QKI: variants seen among roughly 807,000 people sequenced by gnomAD.
QKI encodes the protein QKI, KH domain containing RNA binding, also known as KH domain-containing RNA-binding protein QKI.
In QKI, 10 loss-of-function variants were observed where a neutral mutation model predicts 39.0. That is an observed-to-expected ratio of 0.26 (90% confidence interval 0.16 to 0.43). The LOEUF (loss-of-function observed/expected upper bound fraction) is 0.43, where lower values mean the gene tolerates loss of function less well. QKI is among the 20% of genes least tolerant of loss of function. The probability of loss-of-function intolerance (pLI) is 1.00; values close to 1 mark genes in which losing one functional copy is unlikely to be tolerated. For missense variants in QKI, 218 were observed against 428.0 expected, an observed-to-expected ratio of 0.51 and a Z score of 4.33; for synonymous variants, 204 against 155.4, an observed-to-expected ratio of 1.31 and a Z score of -2.33.
At chr6:163,520,333 A>T (rs1407569837) in intron 3 of QKI, among the ~76,000 whole-genome samples, 1 of 152,140 alleles carries the variant, frequency 6.6e-6, no homozygotes, top group Non-Finnish European at 1.5e-5. Flanking sequence ...ATAACACTGG[A>T]TAATGTATAG....
At chr6:163,455,517 C>G in intron 2 of QKI, 96 bp downstream of exon 2, 1 of 1,250,248 alleles carries the variant, frequency 8.0e-7, no homozygotes, top group Non-Finnish European at 1.1e-6. Flanking sequence ...TTATTAGCCA[C>G]TTTAAAAAAA....
intron 1 of QKI, among the ~76,000 whole-genome samples, chr6:163,445,700 C>T (rs893065317): frequency 2.6e-5 from 4 of 151,700 alleles, no homozygotes; most frequent in Non-Finnish European, 4.4e-5. Flanking sequence ...CTCCAGGCTC[C>T]GCCTCCCGGG....
intron 2 of QKI, among the ~76,000 whole-genome samples, chr6:163,474,107 GA>G (rs1328573528): frequency 1.3e-5 from 2 of 152,130 alleles, no homozygotes; most frequent in Non-Finnish European, 2.9e-5. Context: ...AATAGATAGT[GA>G]AAAATGATAA....
intron 1 of QKI, among the ~76,000 whole-genome samples, chr6:163,435,775 T>G (rs1201703209): frequency 6.6e-6 from 1 of 152,192 alleles, no homozygotes; most frequent in Non-Finnish European, 1.5e-5. Flanking sequence ...TCTTAAAGGA[T>G]ATAGAATATT....
chr6:163,548,873 C>A (rs1782046700), intron 4 of QKI, among the ~76,000 whole-genome samples: 1 of 152,106 alleles, frequency 6.6e-6, no homozygotes, highest in South Asian at 2.1e-4. Context: ...TGAGTTAGAA[C>A]TGGGCAAAAT....
At chr6:163,561,626 TTAAAG>T (rs1284714024) in intron 4 of QKI, among the ~76,000 whole-genome samples, 1 of 152,142 alleles carries the variant, frequency 6.6e-6, no homozygotes, top group Non-Finnish European at 1.5e-5. Flanking sequence ...ATAAAATTAA[TTAAAG>T]TAATTTTAAA....
intron 7 of QKI, chr6:163,568,490 C>G (rs138947304): frequency 3.0e-6 from 3 of 985,450 alleles, no homozygotes; most frequent in African/African-American, 1.7e-5. Flanking sequence ...GTCAGCAAAC[C>G]GAAATGCTCA....
intron 4 of QKI, among the ~76,000 whole-genome samples, chr6:163,559,991 A>G (rs1251456821): frequency 1.3e-5 from 2 of 152,298 alleles, no homozygotes; most frequent in Admixed American, 6.5e-5. Flanking sequence ...CTATCTCTAC[A>G]CAGACTTTGA....
intron 3 of QKI, among the ~76,000 whole-genome samples, chr6:163,492,148 A>AT (rs1237118553): frequency 7.2e-5 from 11 of 152,122 alleles, no homozygotes; most frequent in Admixed American, 6.5e-4. Context: ...GCAGCAATTG[A>AT]TCTTTTCAAA....
At position 163,576,692 on chromosome 6, in the gene QKI, C is replaced by G. The variant is rs1255867764; in HGVS notation, c.*5982C>G. On this transcript the variant is annotated 3_prime_UTR_variant, in exon 8 of 8. Coordinates refer to ENST00000361752, the MANE Select transcript of QKI (RefSeq NM_006775.3). ...GGAAAAAGTGCATGTGCTTCATCCTCTCAAGCCAACTGCAGCTGGAAAGTG... is the reference window on the plus strand; with the variant it reads ...GGAAAAAGTGCATGTGCTTCATCCTGTCAAGCCAACTGCAGCTGGAAAGTG... 1 of 152,202 alleles carries G rather than the reference C, an allele frequency of 6.6e-6. No individual in the cohort carries two copies. The highest frequency in any genetic ancestry group is 1.9e-4 in the East Asian group (1 of 5,176). 9.4% of individuals were successfully genotyped at this position (152,202 alleles called of 1,614,324 possible).
chr6:163,519,408 G>A (rs1780017177), intron 3 of QKI, among the ~76,000 whole-genome samples: 2 of 152,004 alleles, frequency 1.3e-5, no homozygotes, highest in South Asian at 4.2e-4. Flanking sequence ...ATTTCCTGTG[G>A]GCCTTAAAAA....
intron 1 of QKI, among the ~76,000 whole-genome samples, chr6:163,442,869 C>T (rs1264278861): frequency 6.6e-6 from 1 of 152,110 alleles, no homozygotes; most frequent in Non-Finnish European, 1.5e-5. Context: ...TAGTATTTAG[C>T]TTCTAATCAG....
At chr6:163,483,443 A>C (rs1284025363) in intron 3 of QKI, among the ~76,000 whole-genome samples, 3 of 152,208 alleles carry the variant, frequency 2.0e-5, no homozygotes, top group African/African-American at 7.2e-5. Context: ...CATTTTACCC[A>C]CAGAACTTTT....
At chr6:163,501,641 C>T (rs1778771904) in intron 3 of QKI, among the ~76,000 whole-genome samples, 1 of 152,138 alleles carries the variant, frequency 6.6e-6, no homozygotes, top group African/African-American at 2.4e-5. Flanking sequence ...ATGAATGTGA[C>T]CCTGAAACAC....
intron 1 of QKI, among the ~76,000 whole-genome samples, chr6:163,434,424 T>C (rs564136181): frequency 3.1e-4 from 47 of 152,346 alleles, no homozygotes; most frequent in African/African-American, 1.1e-3. Flanking sequence ...TTTGAACTTT[T>C]AGCTTACTGG....
rs1298528747 is a variant in QKI at position 163,532,696 on chromosome 6, A to T, written c.403-2286A>T. 2.0e-5 allele frequency among the ~76,000 whole-genome samples: 3 copies of T among 152,142 alleles called. No individual in the cohort carries two copies. The East Asian group carries it at 5.8e-4, about 29-fold the overall frequency. ...TCTAGAGCCAGGCACTTTGACCTGGAATCCTTTTGGGTGGTTCCTTCCCTG... is the reference window on the plus strand; with the variant it reads ...TCTAGAGCCAGGCACTTTGACCTGGTATCCTTTTGGGTGGTTCCTTCCCTG... On this transcript the variant is annotated intron_variant, in intron 3 of 7. Coordinates refer to ENST00000361752, the MANE Select transcript of QKI (RefSeq NM_006775.3).
chr6:163,536,710 G>C (rs894923040), intron 4 of QKI, among the ~76,000 whole-genome samples: 2 of 151,958 alleles, frequency 1.3e-5, no homozygotes, highest in African/African-American at 4.8e-5. Flanking sequence ...ATAAATGATT[G>C]AATCTTGTCA....
intron 2 of QKI, among the ~76,000 whole-genome samples, chr6:163,475,489 T>A (rs1210483903): frequency 6.6e-6 from 1 of 152,164 alleles, no homozygotes; most frequent in African/African-American, 2.4e-5. Context: ...CCGTTTTATA[T>A]AAGGGACTTG....
intron 3 of QKI, among the ~76,000 whole-genome samples, chr6:163,497,054 G>T (rs1164625461): frequency 1.3e-5 from 2 of 152,112 alleles, no homozygotes; most frequent in African/African-American, 4.8e-5. Context: ...TTGGTACTCA[G>T]TAAATATGTG....
Sources: gnomAD v4.1 joint callset for allele counts (sites outside exome capture counted in the v4.1 genomes callset) on GRCh38, gnomAD v4.1.1 for gene constraint, MANE v1.5 for transcripts, NCBI Gene and HGNC (gene_info 2026-07-23, HGNC 2026-07-21) for gene names.